MDGA2: variants seen among roughly 807,000 people sequenced by gnomAD.
The protein encoded by MDGA2 is MAM domain-containing glycosylphosphatidylinositol anchor protein 2.
Under a neutral mutation model 117.8 loss-of-function variants are expected in MDGA2, and 40 were observed. That is an observed-to-expected ratio of 0.34 (90% CI 0.26 to 0.44). The LOEUF (loss-of-function observed/expected upper bound fraction) is 0.44, where lower values mean the gene tolerates loss of function less well. MDGA2 is among the 20% of genes least tolerant of loss of function. The probability of loss-of-function intolerance (pLI) is 1.00; values close to 1 mark genes in which losing one functional copy is unlikely to be tolerated. For missense variants in MDGA2, 1,123 were observed against 1,250.6 expected (o/e 0.90, Z 1.54); for synonymous variants, 452 against 439.0 (o/e 1.03, Z -0.37).
At chr14:47,216,916 G>A (rs900101638) in intron 3 of MDGA2, among the ~76,000 whole-genome samples, 29 of 151,980 alleles carry the variant, frequency 1.9e-4, no homozygotes, top group Non-Finnish European at 4.4e-5. Flanking sequence ...GCTAAGGGAT[G>A]AGGGGCAGGG....
At chr14:47,287,929 T>C (rs1293014716) in intron 2 of MDGA2, among the ~76,000 whole-genome samples, 5 of 152,112 alleles carry the variant, frequency 3.3e-5, no homozygotes, top group Non-Finnish European at 7.4e-5. Context: ...CTGAAAGCCA[T>C]GGGACACCTA....
chr14:47,240,037 T>A (rs1479488570), intron 2 of MDGA2, among the ~76,000 whole-genome samples: 1 of 151,686 alleles, frequency 6.6e-6, no homozygotes, highest in Non-Finnish European at 1.5e-5. Flanking sequence ...TTATTTTTGG[T>A]TAGAAACAGT....
chr14:47,145,470 C>G (rs762590956), intron 3 of MDGA2, among the ~76,000 whole-genome samples: 1 of 152,100 alleles, frequency 6.6e-6, no homozygotes, highest in Admixed American at 6.6e-5. Context: ...TTTTCTTAAG[C>G]GAAAGATAAA....
At chr14:47,231,224 A>G (rs1886678108) in intron 2 of MDGA2, among the ~76,000 whole-genome samples, 1 of 152,052 alleles carries the variant, frequency 6.6e-6, no homozygotes, top group Admixed American at 6.6e-5. Context: ...AGTCACACAT[A>G]TTTATTAAAG....
chr14:47,625,061 C>T (rs1411690068), intron 1 of MDGA2, among the ~76,000 whole-genome samples: 1 of 152,124 alleles, frequency 6.6e-6, no homozygotes, highest in Admixed American at 6.5e-5. Flanking sequence ...TATGCCCTGA[C>T]CAACTTACAG....
intron 10 of MDGA2, among the ~76,000 whole-genome samples, chr14:46,889,818 A>T (rs530483063): frequency 6.6e-6 from 1 of 152,150 alleles, no homozygotes; most frequent in East Asian, 1.9e-4. Flanking sequence ...CCCAAGTGGG[A>T]CCCAGATCTC....
At chr14:47,214,352 T>A (rs1886008661) in intron 3 of MDGA2, among the ~76,000 whole-genome samples, 1 of 152,176 alleles carries the variant, frequency 6.6e-6, no homozygotes, top group African/African-American at 2.4e-5. Flanking sequence ...TACCAGCCTA[T>A]AAACATATTT....
chr14:47,537,513 C>G (rs1895240312), intron 1 of MDGA2, among the ~76,000 whole-genome samples: 1 of 129,644 alleles, frequency 7.7e-6, no homozygotes. Context: ...CTATGCAGCT[C>G]AAGAGTTAAT....
chr14:47,100,243 C>A (rs1320834730), intron 5 of MDGA2, among the ~76,000 whole-genome samples: 2 of 152,006 alleles, frequency 1.3e-5, no homozygotes, highest in Non-Finnish European at 2.9e-5. Flanking sequence ...GCAAAAGGTA[C>A]TATATCTATG....
At chr14:47,618,249 A>G (rs987023867) in intron 1 of MDGA2, among the ~76,000 whole-genome samples, 4 of 152,242 alleles carry the variant, frequency 2.6e-5, no homozygotes, top group African/African-American at 4.8e-5. Context: ...TCCGATGCCT[A>G]TAAAGTAGTG....
chr14:47,525,788 G>GT (rs749027576), intron 1 of MDGA2, among the ~76,000 whole-genome samples: 148 of 147,910 alleles, frequency 1.0e-3, no homozygotes, highest in Non-Finnish European at 1.7e-3. Flanking sequence ...GTCCAGATGT[G>GT]TTTTTTTTCC....
intron 1 of MDGA2, among the ~76,000 whole-genome samples, chr14:47,552,993 T>C (rs1417940171): frequency 6.6e-6 from 1 of 152,238 alleles, no homozygotes; most frequent in African/African-American, 2.4e-5. Context: ...AGGAAGACTT[T>C]CACTCATCAA....
intron 15 of MDGA2, among the ~76,000 whole-genome samples, chr14:46,848,510 C>A (rs907662452): frequency 2.0e-5 from 3 of 151,938 alleles, no homozygotes; most frequent in African/African-American, 7.2e-5. Context: ...TACTTCAAAG[C>A]ATTTCAAAAC....
At chr14:47,477,059 G>A (rs1175848226) in intron 1 of MDGA2, among the ~76,000 whole-genome samples, 1 of 152,202 alleles carries the variant, frequency 6.6e-6, no homozygotes, top group Non-Finnish European at 1.5e-5. Flanking sequence ...CTACTGGGGA[G>A]GTTGAGGCAG....
chr14:46,913,860 G>A (rs1398599007), intron 10 of MDGA2, among the ~76,000 whole-genome samples: 2 of 134,006 alleles, frequency 1.5e-5, no homozygotes, highest in East Asian at 5.0e-4. Context: ...TTAAATTCCT[G>A]GAAATTACCA....
chr14:46,941,406 T>C (rs1381850145), intron 9 of MDGA2, among the ~76,000 whole-genome samples: 13 of 152,182 alleles, frequency 8.5e-5, no homozygotes, highest in African/African-American at 2.9e-4. Context: ...TGATAAAAGA[T>C]GCCAGATCAG....
At chr14:47,200,523 C>G in intron 3 of MDGA2, 1 of 600,884 alleles carries the variant, frequency 1.7e-6, no homozygotes, top group African/African-American at 2.2e-5. Context: ...TTTCTTTTTT[C>G]TTTTTCTTTT....
chr14:46,918,517 G>C (rs751975798), intron 10 of MDGA2, among the ~76,000 whole-genome samples: 37 of 152,090 alleles, frequency 2.4e-4, no homozygotes, highest in Non-Finnish European at 4.1e-4. Flanking sequence ...AATTAGAATG[G>C]GTAGAACGAT....
At chr14:47,478,576 A>G (rs921131790) in intron 1 of MDGA2, among the ~76,000 whole-genome samples, 17 of 152,100 alleles carry the variant, frequency 1.1e-4, no homozygotes, top group Admixed American at 3.3e-4. Context: ...GGGTTTCACC[A>G]TGTTGCCCAG....
Sources: gnomAD v4.1 joint callset for allele counts (sites outside exome capture counted in the v4.1 genomes callset) on GRCh38, gnomAD v4.1.1 for gene constraint, MANE v1.5 for transcripts, NCBI Gene and HGNC (gene_info 2026-07-23, HGNC 2026-07-21) for gene names.